ETV1: variants seen among roughly 807,000 people sequenced by gnomAD.
ETV1 encodes the protein ETS translocation variant 1.
In ETV1, 27 loss-of-function variants were observed where a neutral mutation model predicts 62.3. The ratio of observed to expected loss-of-function variants is 0.43; its 90% CI spans 0.32 to 0.60. ETV1 has a LOEUF of 0.60. Among genes scored for constraint, ETV1 ranks in the 20% least tolerant of loss-of-function variants. The pLI, the probability that ETV1 is intolerant of heterozygous loss-of-function variation, is 0.06. For synonymous variants in ETV1, 222 were observed against 199.6 expected, an observed-to-expected ratio of 1.11 and a Z score of -0.94; for missense variants, 605 against 605.8, an observed-to-expected ratio of 1.00 and a Z score of 0.01.
chr7:13,987,692 T>C (rs1191211434), intron 4 of ETV1, among the ~76,000 whole-genome samples: 2 of 152,186 alleles, frequency 1.3e-5, no homozygotes, highest in Admixed American at 6.5e-5. Flanking sequence ...CTAATACTGT[T>C]TAACTTGTAA....
Position 13,906,468 on chromosome 7 carries a change from C to A in ETV1, c.1072G>T (p.Gly358Cys), listed in dbSNP as rs767110553. ...PSNSHFIAWT[G>C]RGMEFKLIEP... ...ATCAGTTTAAATTCCATGCCTCGAC[C>A]AGTCCAGGCAATAAAATGAGAATTT... Residue 358 changes from glycine (G) to cysteine (C), a missense_variant, in exon 12 of 14, where the codon GGT becomes TGT. Coordinates refer to ENST00000430479, the MANE Select transcript of ETV1 (RefSeq NM_004956.5). 2 of 1,608,564 alleles carry A rather than the reference C, an allele frequency of 1.2e-6. No individual in the cohort carries two copies. The highest frequency in any genetic ancestry group is 2.2e-5 in the East Asian group (1 of 44,740).
At chr7:13,947,606 G>T (rs1051686602) in intron 6 of ETV1, among the ~76,000 whole-genome samples, 1 of 152,104 alleles carries the variant, frequency 6.6e-6, no homozygotes, top group African/African-American at 2.4e-5. Flanking sequence ...AGAGCCCTGG[G>T]CTCAATCTTA....
At chr7:13,966,776 A>C (rs112619677) in intron 6 of ETV1, among the ~76,000 whole-genome samples, 250 of 152,324 alleles carry the variant, frequency 1.6e-3, no homozygotes, top group Middle Eastern at 3.4e-3. Flanking sequence ...TCACTCATAT[A>C]ATTTCACATT....
intron 13 of ETV1, among the ~76,000 whole-genome samples, chr7:13,899,549 A>T (rs1399885343): frequency 6.6e-6 from 1 of 152,188 alleles, no homozygotes; most frequent in African/African-American, 2.4e-5. Flanking sequence ...TTTCTGGGTA[A>T]AACTATGGTG....
At chr7:13,933,038 C>T (rs1384738161) in intron 8 of ETV1, among the ~76,000 whole-genome samples, 1 of 152,154 alleles carries the variant, frequency 6.6e-6, no homozygotes, top group African/African-American at 2.4e-5. Context: ...CTGACTGGCA[C>T]TGCATTCATT....
chr7:13,986,199 A>G, intron 5 of ETV1: 1 of 1,579,736 alleles, frequency 6.3e-7, no homozygotes, highest in Non-Finnish European at 8.6e-7. Flanking sequence ...AACCCAGAGA[A>G]ACTAATTTCT....
chr7:13,946,062 G>A (rs796259006), intron 6 of ETV1, among the ~76,000 whole-genome samples: 1 of 152,326 alleles, frequency 6.6e-6, no homozygotes, highest in South Asian at 2.1e-4. Context: ...TTTAATTAAA[G>A]TGAATCTTTC....
chr7:13,943,184 T>C (rs1787764772), intron 6 of ETV1, among the ~76,000 whole-genome samples: 1 of 152,122 alleles, frequency 6.6e-6, no homozygotes, highest in Non-Finnish European at 1.5e-5. Flanking sequence ...GGCCAGTAGT[T>C]CACAAAAGCA....
intron 3 of ETV1, chr7:13,988,529 C>G (rs574711202): frequency 7.4e-6 from 6 of 813,384 alleles, no homozygotes; most frequent in Admixed American, 3.3e-5. Flanking sequence ...GTTTTATTCT[C>G]TCTTGGACAG....
Position 13,892,758 on chromosome 7 carries a change from G to A in ETV1, c.*3108C>T. On this transcript the variant is annotated 3_prime_UTR_variant, in exon 14 of 14. Coordinates refer to ENST00000430479, the MANE Select transcript of ETV1 (RefSeq NM_004956.5). The stretch of plus-strand genomic sequence containing the variant: ...CTATAGTAGAAGAGTATGTGACCAT[G>A]GAAGCAGAGATTGAAGTGATGTAGC... 4.3e-6 allele frequency: 1 copy of A among 232,346 alleles called. No individual in the cohort carries two copies. Among genetic ancestry groups the A allele is most frequent in the East Asian group, 6.1e-5 (1 of 16,448 alleles). The allele number at this position is 232,346 out of a possible 1,614,324, so 14.4% of individuals were successfully genotyped here.
chr7:13,900,629 T>G (rs941288590), intron 13 of ETV1, 109 bp downstream of exon 13: 1 of 730,610 alleles, frequency 1.4e-6, no homozygotes, highest in Non-Finnish European at 2.2e-6. Flanking sequence ...TTTGTTAAAA[T>G]GAGTGAAAAA....
intron 6 of ETV1, among the ~76,000 whole-genome samples, chr7:13,969,227 GA>G (rs1780620636): frequency 6.6e-6 from 1 of 152,104 alleles, no homozygotes; most frequent in African/African-American, 2.4e-5. Context: ...AATCAGCAAT[GA>G]CTTTCTCACA....
At chr7:13,940,457 T>G (rs1343371556) in intron 6 of ETV1, among the ~76,000 whole-genome samples, 2 of 152,008 alleles carry the variant, frequency 1.3e-5, no homozygotes, top group Non-Finnish European at 2.9e-5. Context: ...AGAAATCTTA[T>G]CAGAATAATT....
intron 6 of ETV1, among the ~76,000 whole-genome samples, chr7:13,945,261 A>G (rs1354194027): frequency 2.6e-5 from 4 of 152,146 alleles, no homozygotes; most frequent in African/African-American, 9.7e-5. Context: ...TGCCGCATTC[A>G]AATAGGTCCA....
chr7:13,958,440 T>G (rs1026262988), intron 6 of ETV1, among the ~76,000 whole-genome samples: 1 of 152,218 alleles, frequency 6.6e-6, no homozygotes, highest in Non-Finnish European at 1.5e-5. Context: ...ATACCTGGTC[T>G]TGTCCCAACT....
intron 9 of ETV1, among the ~76,000 whole-genome samples, chr7:13,928,473 G>A (rs570018480): frequency 6.6e-6 from 1 of 152,176 alleles, no homozygotes; most frequent in African/African-American, 2.4e-5. Context: ...AATTAGCCGG[G>A]CATGGTGGCG....
intron 6 of ETV1, among the ~76,000 whole-genome samples, chr7:13,961,398 G>A (rs1790151800): frequency 6.6e-6 from 1 of 152,210 alleles, no homozygotes; most frequent in South Asian, 2.1e-4. Flanking sequence ...ATTGCAAATA[G>A]TGTTACAGCA....
rs1394108756 is a variant in ETV1 at position 13,891,273 on chromosome 7, A to T, written c.*4593T>A. On this transcript the variant is annotated 3_prime_UTR_variant, in exon 14 of 14. Transcript: ENST00000430479. ...TATTTTAGATTTAAATTTTGAGCAT[A>T]TTTAATTTGCTATAATCATGATTTT... 6 of 227,582 alleles carry T rather than the reference A, an allele frequency of 2.6e-5. No homozygotes were observed. Among genetic ancestry groups the T allele is most frequent in the Non-Finnish European group, 4.4e-5 (5 of 114,738 alleles). 14.1% of individuals were successfully genotyped at this position (227,582 alleles called of 1,614,324 possible).
At chr7:13,956,270 G>A (rs1042704327) in intron 6 of ETV1, among the ~76,000 whole-genome samples, 11 of 151,720 alleles carry the variant, frequency 7.3e-5, no homozygotes, top group African/African-American at 2.7e-4. Context: ...TTAAATTCTT[G>A]TTACACTTTA....
Sources: gnomAD v4.1 joint callset for allele counts (sites outside exome capture counted in the v4.1 genomes callset) on GRCh38, gnomAD v4.1.1 for gene constraint, MANE v1.5 for transcripts, NCBI Gene and HGNC (gene_info 2026-07-23, HGNC 2026-07-21) for gene names.